Variants in CTIF observed in about 807,000 individuals in gnomAD.
CTIF encodes cap binding complex dependent translation initiation factor, also known as CBP80/20-dependent translation initiation factor.
A neutral mutation model predicts 66.0 loss-of-function variants in CTIF; 21 were observed. The ratio of observed to expected loss-of-function variants is 0.32; its 90% CI spans 0.23 to 0.46. The LOEUF (loss-of-function observed/expected upper bound fraction) is 0.46, where lower values mean the gene tolerates loss of function less well. Among genes scored for constraint, CTIF ranks in the 20% least tolerant of loss-of-function variants. The probability of loss-of-function intolerance (pLI) is 1.00; values close to 1 mark genes in which losing one functional copy is unlikely to be tolerated. For missense variants in CTIF, 739 were observed against 812.7 expected (o/e 0.91, Z 1.10); for synonymous variants, 345 against 326.4 (o/e 1.06, Z -0.62).
At chr18:48,756,183 A>C (rs926025951) in intron 7 of CTIF, 1 of 152,018 alleles carries the variant, frequency 6.6e-6, no homozygotes, top group Non-Finnish European at 1.5e-5. Flanking sequence ...CCACACCCCC[A>C]CCCACCACTC....
rs552381630 is a variant in CTIF, at chr18:48,655,800, C to T, written c.253-7952C>T. 5.3e-5 allele frequency among the ~76,000 whole-genome samples: 8 copies of T among 152,288 alleles called. No individual in the cohort carries two copies. The South Asian group carries it at 1.7e-3, about 32-fold the overall frequency. ...AGGGGAAACTTCCCCCATGACTGTC[C>T]CAACAATAGAGAGCATCCTCCCGCT... On this transcript the variant is annotated intron_variant, in intron 3 of 11. Transcript: ENST00000256413.
chr18:48,840,601 G>C (rs2068917208), intron 10 of CTIF, among the ~76,000 whole-genome samples: 1 of 152,092 alleles, frequency 6.6e-6, no homozygotes, highest in South Asian at 2.1e-4. Context: ...TGACACCCTG[G>C]GCAGCCCCAG....
chr18:48,772,706 A>G (rs898696959), intron 9 of CTIF, among the ~76,000 whole-genome samples: 5 of 152,284 alleles, frequency 3.3e-5, no homozygotes, highest in African/African-American at 4.8e-5. Context: ...TTTTATGTCT[A>G]TACCACATTT....
intron 10 of CTIF, among the ~76,000 whole-genome samples, chr18:48,842,650 G>T (rs113266122): frequency 4.9e-4 from 74 of 152,334 alleles, no homozygotes; most frequent in Non-Finnish European, 8.4e-4. Context: ...CCCAGCAGTC[G>T]CTGATTCTAC....
rs552194890 is a variant in CTIF at position 48,630,170 on chromosome 18, G to A, written c.181-6444G>A. Among the ~76,000 whole-genome samples, 45 of 152,122 alleles carry A rather than the reference G, an allele frequency of 3.0e-4. No individual in the cohort carries two copies. The South Asian group carries it at 7.7e-3, about 26-fold the overall frequency. On this transcript the variant is annotated intron_variant, in intron 2 of 11. Transcript: ENST00000256413. ...TCTAGGCTGTATCCTCTACCTGCGC[G>A]TCACTGCCCAGCCCAGAGTCACTGA...
intron 7 of CTIF, among the ~76,000 whole-genome samples, chr18:48,729,038 A>G (rs1319482049): frequency 6.6e-6 from 1 of 152,018 alleles, no homozygotes; most frequent in Non-Finnish European, 1.5e-5. Context: ...TTCTGATTCA[A>G]CTTCAAACCT....
chr18:48,782,945 G>A (rs1179400375), intron 9 of CTIF, among the ~76,000 whole-genome samples: 2 of 152,224 alleles, frequency 1.3e-5, no homozygotes, highest in African/African-American at 4.8e-5. Context: ...AGTGGGAAGT[G>A]GGGAGCTTCG....
chr18:48,794,847 A>G (rs2067876285), intron 9 of CTIF, among the ~76,000 whole-genome samples: 1 of 152,082 alleles, frequency 6.6e-6, no homozygotes, highest in Non-Finnish European at 1.5e-5. Context: ...TCGAGTCAGC[A>G]CCTGGCAGAG....
intron 3 of CTIF, among the ~76,000 whole-genome samples, chr18:48,652,465 C>G (rs979484797): frequency 2.0e-5 from 3 of 152,196 alleles, no homozygotes; most frequent in Non-Finnish European, 4.4e-5. Flanking sequence ...AGACCAATAA[C>G]AGGCTCTCAA....
intron 10 of CTIF, among the ~76,000 whole-genome samples, chr18:48,838,759 G>T (rs2068869725): frequency 6.6e-6 from 1 of 152,182 alleles, no homozygotes; most frequent in Admixed American, 6.5e-5. Context: ...GAAGTTGAGG[G>T]ATTTGCCAAG....
chr18:48,619,719 G>C lies in CTIF; in HGVS notation c.154G>C (p.Glu52Gln). 2 of 1,603,418 alleles carry C rather than the reference G, an allele frequency of 1.2e-6. No individual in the cohort carries two copies. The highest frequency in any genetic ancestry group is 1.7e-6 in the Non-Finnish European group (2 of 1,175,330). Residue 52 changes from glutamate (E) to glutamine (Q), a missense_variant, in exon 2 of 12, where the codon GAG becomes CAG. Transcript: ENST00000256413. Reference protein sequence around the residue: ...ADKTEGDGESERTQSHISQWT... With the variant: ...ADKTEGDGESQRTQSHISQWT... ...CAAGACGGAGGGTGATGGCGAGAGCGAGAGGACCCAGTCCCACATCTCCCA... is the reference window on the plus strand; with the variant it reads ...CAAGACGGAGGGTGATGGCGAGAGCCAGAGGACCCAGTCCCACATCTCCCA...
chr18:48,835,811 G>T (rs2068795772), intron 10 of CTIF, among the ~76,000 whole-genome samples: 1 of 152,090 alleles, frequency 6.6e-6, no homozygotes, highest in Non-Finnish European at 1.5e-5. Flanking sequence ...GTCGGTCATG[G>T]TCCCTTCCCA....
rs2092439364 is a variant in CTIF at position 48,730,498 on chromosome 18, CGGTGTGAGGGGCTT to C, written c.584+18804_584+18817del. ...GCTTCCGCGGTGTGAGGGGCTTCTG[CGGTGTGAGGGGCTT>C]CTGCGGTGTGAGGGGCCCCTGTGGT... On this transcript the variant is annotated intron_variant, in intron 7 of 11. Coordinates refer to ENST00000256413, the MANE Select transcript of CTIF (RefSeq NM_014772.3). Among the ~76,000 whole-genome samples the C allele has an allele frequency of 2.4e-5, 2 of 84,810 alleles. 1 individual carries two copies. Among genetic ancestry groups the C allele is most frequent in the Admixed American group, 2.3e-4 (2 of 8,524 alleles). 55.6% of individuals were successfully genotyped at this position (84,810 alleles called of 152,430 possible).
At chr18:48,656,916 G>T (rs2091255618) in intron 3 of CTIF, among the ~76,000 whole-genome samples, 1 of 152,180 alleles carries the variant, frequency 6.6e-6, no homozygotes, top group African/African-American at 2.4e-5. Context: ...TTCTTTAAGA[G>T]GCCACTGAGG....
chr18:48,666,547 C>T (rs1381028310), intron 5 of CTIF, among the ~76,000 whole-genome samples: 1 of 152,234 alleles, frequency 6.6e-6, no homozygotes, highest in East Asian at 1.9e-4. Flanking sequence ...TGCATGCACA[C>T]GTGTGTGTTG....
chr18:48,723,726 G>A (rs892630659), intron 7 of CTIF, among the ~76,000 whole-genome samples: 1 of 152,180 alleles, frequency 6.6e-6, no homozygotes, highest in Admixed American at 6.5e-5. Flanking sequence ...AGGGGCACAG[G>A]TTTTAAAAAT....
intron 7 of CTIF, among the ~76,000 whole-genome samples, chr18:48,737,197 C>A (rs2092510892): frequency 6.6e-6 from 1 of 152,120 alleles, no homozygotes; most frequent in Non-Finnish European, 1.5e-5. Context: ...TGCACAGTGT[C>A]CATTTTAAGG....
chr18:48,579,425 T>C (rs1599176140), intron 1 of CTIF, among the ~76,000 whole-genome samples: 1 of 152,196 alleles, frequency 6.6e-6, no homozygotes, highest in Non-Finnish European at 1.5e-5. Flanking sequence ...GGATGACAGG[T>C]GTGAGCCACT....
intron 9 of CTIF, among the ~76,000 whole-genome samples, chr18:48,783,394 G>A (rs543374615): frequency 1.3e-5 from 2 of 152,156 alleles, no homozygotes; most frequent in South Asian, 2.1e-4. Flanking sequence ...ATGATATGAC[G>A]GATGAAGCTT....
Sources: allele counts gnomAD v4.1 joint callset (sites outside exome capture counted in the v4.1 genomes callset), GRCh38; gene constraint gnomAD v4.1.1; transcripts MANE v1.5; gene names NCBI Gene and HGNC (gene_info 2026-07-23, HGNC 2026-07-21).